The following AFG1L variants were observed in gnomAD, a reference collection of about 807,000 sequenced individuals.
AFG1L encodes AFG1-like ATPase.
In AFG1L, 53 loss-of-function variants were observed where a neutral mutation model predicts 62.2. The observed-to-expected ratio is 0.85, with a 90% CI of 0.68 to 1.07. AFG1L has a LOEUF of 1.07. Among genes scored for constraint, AFG1L ranks in the 50% least tolerant of loss-of-function variants. AFG1L has a pLI of 0.00. For synonymous variants in AFG1L, 228 were observed against 210.3 expected (o/e 1.08, Z -0.73); for missense variants, 555 against 590.5 (o/e 0.94, Z 0.62).
At chr6:108,439,247 T>A (rs369496123) in intron 7 of AFG1L, among the ~76,000 whole-genome samples, 1 of 152,214 alleles carries the variant, frequency 6.6e-6, no homozygotes, top group South Asian at 2.1e-4. Flanking sequence ...ACTACCAGAC[T>A]GTCAGAGCAA....
At chr6:108,362,495 A>G (rs1779585245) in intron 5 of AFG1L, among the ~76,000 whole-genome samples, 1 of 152,208 alleles carries the variant, frequency 6.6e-6, no homozygotes, top group African/African-American at 2.4e-5. Context: ...CTATGTAGCT[A>G]TACATTAATA....
intron 6 of AFG1L, among the ~76,000 whole-genome samples, chr6:108,381,111 A>G (rs1386861605): frequency 6.6e-6 from 1 of 152,124 alleles, no homozygotes; most frequent in African/African-American, 2.4e-5. Context: ...AACCAAAAAC[A>G]CTCATTTTAT....
At chr6:108,316,209 G>A (rs1254883533) in intron 1 of AFG1L, among the ~76,000 whole-genome samples, 9 of 150,200 alleles carry the variant, frequency 6.0e-5, no homozygotes, top group Middle Eastern at 3.2e-3. Context: ...GTGAAACCCC[G>A]TCTCTACTAA....
chr6:108,445,533 G>T (rs1298312875), intron 7 of AFG1L, among the ~76,000 whole-genome samples: 1 of 152,058 alleles, frequency 6.6e-6, no homozygotes, highest in African/African-American at 2.4e-5. Context: ...TGAGAGATGT[G>T]TGACTCTTCC....
chr6:108,470,560 T>C (rs1194285637), intron 8 of AFG1L, among the ~76,000 whole-genome samples: 2 of 138,784 alleles, frequency 1.4e-5, no homozygotes, highest in Admixed American at 7.2e-5. Flanking sequence ...AAGAGGGAAA[T>C]ATTACACTTA....
At chr6:108,511,954 G>GGAT (rs1322220031) in intron 11 of AFG1L, among the ~76,000 whole-genome samples, 6 of 152,330 alleles carry the variant, frequency 3.9e-5, no homozygotes, top group African/African-American at 1.4e-4. Flanking sequence ...CACCACTGTG[G>GGAT]GATGACCTGT....
chr6:108,317,010 C>T (rs1205794310), intron 1 of AFG1L, among the ~76,000 whole-genome samples: 1 of 152,118 alleles, frequency 6.6e-6, no homozygotes, highest in South Asian at 2.1e-4. Flanking sequence ...ACACGTACCT[C>T]CCCTTAAGTC....
intron 1 of AFG1L, among the ~76,000 whole-genome samples, chr6:108,309,052 T>G (rs2114834652): frequency 6.6e-6 from 1 of 152,284 alleles, no homozygotes; most frequent in South Asian, 2.1e-4. Flanking sequence ...AATCTTTTTG[T>G]GTGTGTCCTA....
intron 7 of AFG1L, among the ~76,000 whole-genome samples, chr6:108,411,071 T>A (rs549343383): frequency 6.6e-6 from 1 of 152,240 alleles, no homozygotes; most frequent in South Asian, 2.1e-4. Flanking sequence ...ACCCAAATAC[T>A]GCGCTTTTCC....
At position 108,300,834 on chromosome 6, in the gene AFG1L, G is replaced by A. The variant is rs547875989; in HGVS notation, c.139+5616G>A. On this transcript the variant is annotated intron_variant, in intron 1 of 12. Coordinates refer to ENST00000368977, the MANE Select transcript of AFG1L (RefSeq NM_145315.5). The stretch of plus-strand genomic sequence containing the variant: ...ACTACAGGCGCACGCCATCACGCCT[G>A]GCTAATTTTTTGTATTTTTAGTAGA... 6.6e-5 allele frequency among the ~76,000 whole-genome samples: 10 copies of A among 151,954 alleles called. No individual in the cohort carries two copies. The South Asian group carries it at 2.1e-3, about 32-fold the overall frequency.
chr6:108,481,591 A>T (rs1346409154), intron 10 of AFG1L, among the ~76,000 whole-genome samples: 3 of 151,784 alleles, frequency 2.0e-5, no homozygotes, highest in Admixed American at 6.5e-5. Context: ...ATATACTCAC[A>T]GTAAAAATAA....
At chr6:108,398,627 A>G (rs1781418846) in intron 6 of AFG1L, among the ~76,000 whole-genome samples, 2 of 152,188 alleles carry the variant, frequency 1.3e-5, no homozygotes. Flanking sequence ...TTATTTTTCT[A>G]TAAGGTGAGA....
rs184409195 is a variant in AFG1L at position 108,436,169 on chromosome 6, A to G, written c.808-11045A>G. On this transcript the variant is annotated intron_variant, in intron 7 of 12. Coordinates refer to ENST00000368977, the MANE Select transcript of AFG1L (RefSeq NM_145315.5). The stretch of plus-strand genomic sequence containing the variant: ...TATGAGATTAGGTTTTTTTTTAGAC[A>G]GAGTCTCGCTGTGTTGCCAGGCTGG... Among the ~76,000 whole-genome samples, 341 of 152,190 alleles carry G rather than the reference A, an allele frequency of 2.2e-3. 3 individuals are homozygous for G. Among genetic ancestry groups the G allele is most frequent in the African/African-American group, 7.8e-3 (325 of 41,526 alleles).
intron 2 of AFG1L, among the ~76,000 whole-genome samples, chr6:108,326,968 C>T (rs1778069919): frequency 6.6e-6 from 1 of 151,712 alleles, no homozygotes; most frequent in African/African-American, 2.4e-5. Context: ...AGAATAAGGG[C>T]CAGGTGTGGT....
intron 6 of AFG1L, among the ~76,000 whole-genome samples, chr6:108,396,294 A>G (rs1288224773): frequency 6.6e-6 from 1 of 152,142 alleles, no homozygotes; most frequent in Non-Finnish European, 1.5e-5. Context: ...GTTCTTGACA[A>G]TACATATGTT....
At chr6:108,420,084 C>T (rs1770519749) in intron 7 of AFG1L, among the ~76,000 whole-genome samples, 1 of 152,078 alleles carries the variant, frequency 6.6e-6, no homozygotes, top group African/African-American at 2.4e-5. Flanking sequence ...CAGAATCAGC[C>T]TTTGAGGTCA....
At chr6:108,454,169 C>T (rs1772165231) in intron 8 of AFG1L, among the ~76,000 whole-genome samples, 1 of 152,194 alleles carries the variant, frequency 6.6e-6, no homozygotes, top group Non-Finnish European at 1.5e-5. Context: ...GTCTTTTAGA[C>T]TCCATTATAT....
intron 1 of AFG1L, among the ~76,000 whole-genome samples, chr6:108,311,408 T>C (rs887424657): frequency 1.3e-5 from 2 of 152,254 alleles, no homozygotes; most frequent in Non-Finnish European, 2.9e-5. Context: ...CCTGTGATCT[T>C]ACAGCATCTG....
chr6:108,366,151 C>T (rs1779747088), intron 5 of AFG1L, 82 bp from the exon 6 acceptor site: 3 of 755,162 alleles, frequency 4.0e-6, no homozygotes, highest in Non-Finnish European at 6.6e-6. Flanking sequence ...TTACTTCCAT[C>T]TTAAAAAAAA....
Sources: gnomAD v4.1 joint callset for allele counts (sites outside exome capture counted in the v4.1 genomes callset) on GRCh38, gnomAD v4.1.1 for gene constraint, MANE v1.5 for transcripts, NCBI Gene and HGNC (gene_info 2026-07-23, HGNC 2026-07-21) for gene names.